Variants in PRH1 observed in about 807,000 individuals in gnomAD.
The protein encoded by PRH1 is salivary acidic proline-rich phosphoprotein 1/2.
Under a neutral mutation model 7.9 loss-of-function variants are expected in PRH1, and 7 were observed. The observed-to-expected ratio is 0.89, with a 90% confidence interval of 0.50 to 1.67. PRH1 has a LOEUF of 1.67. Among genes scored for constraint, PRH1 ranks in the 40% most tolerant of loss-of-function variants. The pLI is 0.00. For synonymous variants in PRH1, 45 were observed against 80.8 expected (o/e 0.56, Z 2.38); for missense variants, 109 against 223.6 (o/e 0.49, Z 3.27).
chr12:11,118,404 CAA>C (rs1442562658), downstream of PRH1, among the ~76,000 whole-genome samples: 5 of 152,220 alleles, frequency 3.3e-5, no homozygotes, highest in Non-Finnish European at 7.4e-5. Flanking sequence ...AGCTTATATA[CAA>C]AAGACAGGTA....
intron 2 of PRH1, chr12:10,908,493 A>G (rs755704027): frequency 3.1e-6 from 5 of 1,613,930 alleles, no homozygotes; most frequent in East Asian, 2.2e-5. Context: ...GAAGACTCCA[A>G]TCGTCTCACA....
At chr12:10,895,483 A>G (rs914021095) in intron 2 of PRH1, 3 of 152,200 alleles carry the variant, frequency 2.0e-5, no homozygotes, top group East Asian at 3.8e-4. Flanking sequence ...CCTCTAGTAC[A>G]ATAAAGAGAA....
chr12:11,130,939 A>G (rs1432323764), intron 1 of PRH1, among the ~76,000 whole-genome samples: 1 of 152,220 alleles, frequency 6.6e-6, no homozygotes, highest in African/African-American at 2.4e-5. Flanking sequence ...TTGGACACAA[A>G]CATGTGCTTT....
At chr12:10,899,347 GGTTT>G (rs960250684) in intron 2 of PRH1, among the ~76,000 whole-genome samples, 1 of 152,088 alleles carries the variant, frequency 6.6e-6, no homozygotes, top group African/African-American at 2.4e-5. Flanking sequence ...GTTTGTACAC[GGTTT>G]GTTTGTCCCC....
intron 1 of PRH1, chr12:11,133,859 A>C: frequency 6.2e-7 from 1 of 1,614,180 alleles, no homozygotes. Flanking sequence ...TATCACCAGA[A>C]CAACACTCTT....
rs533696615 is a variant in PRH1, at chr12:11,070,968, A to C, written n.124-23780T>G. Among the ~76,000 whole-genome samples, 3 of 142,212 alleles carry C rather than the reference A, an allele frequency of 2.1e-5. No individual in the cohort carries two copies. The South Asian group carries it at 6.4e-4, about 31-fold the overall frequency. 93.3% of individuals were successfully genotyped at this position (142,212 alleles called of 152,430 possible). A position where few individuals can be genotyped will look rare whatever the true frequency, so the allele number is the denominator to read the frequency against. ...ATTGCCCCATTTTTTTCTAAGAAAA[A>C]GAGAATGAATTATGATTTTTATTAT... is the stretch of plus-strand genomic sequence containing the variant. On this transcript the variant is annotated intron_variant and non_coding_transcript_variant, in intron 1 of 4. Transcript: ENST00000541977.
At chr12:11,049,815 G>C (rs1038276669), upstream of PRH1, among the ~76,000 whole-genome samples, 1 of 152,074 alleles carries the variant, frequency 6.6e-6, no homozygotes, top group African/African-American at 2.4e-5. Flanking sequence ...AGATTATTTT[G>C]GAAAGTCCTG....
chr12:10,881,343 T>C (rs373038197), intron 3 of PRH1, among the ~76,000 whole-genome samples: 1 of 152,228 alleles, frequency 6.6e-6, no homozygotes, highest in African/African-American at 2.4e-5. Context: ...TTTACAAAGA[T>C]GGGCACTGCA....
chr12:10,985,616 T>G (rs1555122985), intron 1 of PRH1, among the ~76,000 whole-genome samples: 1 of 152,162 alleles, frequency 6.6e-6, no homozygotes, highest in Non-Finnish European at 1.5e-5. Flanking sequence ...AACATGATAA[T>G]ATGAAATGTA....
At chr12:10,903,671 T>C (rs77812716) in intron 2 of PRH1, among the ~76,000 whole-genome samples, 5,289 of 151,648 alleles carry the variant, frequency 0.035, 311 homozygotes, top group African/African-American at 0.12. Context: ...TTGAAAGTCC[T>C]AGCCAGGACA....
chr12:10,909,474 T>C, intron 2 of PRH1: 1 of 582,574 alleles, frequency 1.7e-6, no homozygotes, highest in South Asian at 2.5e-5. Flanking sequence ...TGATCGATCT[T>C]CACATAACTG....
chr12:11,069,125 CT>C (rs1943951948), intron 1 of PRH1, among the ~76,000 whole-genome samples: 1 of 148,858 alleles, frequency 6.7e-6, no homozygotes, highest in Non-Finnish European at 1.5e-5. Flanking sequence ...ACCATGTTTC[CT>C]AGGTTGGTCT....
intron 1 of PRH1, among the ~76,000 whole-genome samples, chr12:11,029,163 T>TTTAACTAACA: frequency 5.8e-5 from 1 of 17,356 alleles, no homozygotes; most frequent in South Asian, 5.2e-3. Flanking sequence ...CATCTTAAGG[T>TTTAACTAACA]TTAAATCACA....
At chr12:10,975,514 C>A (rs892644326) in intron 1 of PRH1, among the ~76,000 whole-genome samples, 5 of 152,042 alleles carry the variant, frequency 3.3e-5, no homozygotes. Context: ...CCACACAACC[C>A]AATCTGCATA....
In PRH1 at chr12:11,094,227, C is replaced by G. The variant is rs1473003651; in HGVS notation, n.124-47039G>C. The stretch of plus-strand genomic sequence containing the variant: ...TGAGGCAGGAGAATGGCGTGAACCC[C>G]GGAGGCGGAGGTTGCAGTAAACTGA... On this transcript the variant is annotated intron_variant and non_coding_transcript_variant, in intron 1 of 4. Transcript: ENST00000541977. 1.4e-4 allele frequency among the ~76,000 whole-genome samples: 14 copies of G among 100,334 alleles called. 3 individuals carry two copies. The highest frequency in any genetic ancestry group is 5.0e-4 in the African/African-American group (14 of 27,984). 65.8% of individuals were successfully genotyped at this position (100,334 alleles called of 152,430 possible). A position where few individuals can be genotyped will look rare whatever the true frequency, so the allele number is the denominator to read the frequency against.
intron 1 of PRH1, chr12:11,159,843 T>G (rs1302639888): frequency 6.6e-6 from 1 of 152,198 alleles, no homozygotes; most frequent in Non-Finnish European, 1.5e-5. Flanking sequence ...TTCAGAGATC[T>G]TCATGAAAAA....
chr12:11,070,856 A>C lies in PRH1; in HGVS notation n.124-23668T>G, dbSNP rs1944034858. Among the ~76,000 whole-genome samples, 3 of 152,066 alleles carry C rather than the reference A, an allele frequency of 2.0e-5. No homozygotes were observed. The South Asian group carries it at 6.2e-4, about 31-fold the overall frequency. The stretch of plus-strand genomic sequence containing the variant: ...TATTTGCGTTGGCTTTTTCAGAGAG[A>C]CAGTCTCAATCTGTCACCCAGGCTG... On this transcript the variant is annotated intron_variant and non_coding_transcript_variant, in intron 1 of 4. Coordinates refer to the PRH1 transcript ENST00000541977.
At chr12:10,904,734 TA>T (rs1180925391) in intron 2 of PRH1, among the ~76,000 whole-genome samples, 1 of 151,650 alleles carries the variant, frequency 6.6e-6, no homozygotes, top group Admixed American at 6.6e-5. Flanking sequence ...ATCAACAGAG[TA>T]AACAGACAAC....
rs374119025 is a variant in PRH1, at chr12:10,983,451, G to A, written c.-125-9730C>T. On this transcript the variant is annotated intron_variant, in intron 1 of 3. Coordinates refer to the PRH1 transcript ENST00000539853. ...TATCTTGACTGTCTTCTCTTTTCTT[G>A]GTCAGCACCTTGCTTGATCCAGATC... Among the ~76,000 whole-genome samples the A allele has an allele frequency of 2.6e-5, 4 of 152,016 alleles. No homozygotes were observed. The East Asian group carries it at 7.7e-4, about 29-fold the overall frequency.
Sources: gnomAD v4.1 joint callset for allele counts (sites outside exome capture counted in the v4.1 genomes callset) on GRCh38, gnomAD v4.1.1 for gene constraint, MANE v1.5 for transcripts, NCBI Gene and HGNC (gene_info 2026-07-23, HGNC 2026-07-21) for gene names.